The following WFDC10B variants were observed in gnomAD, a reference collection of about 807,000 sequenced individuals.
WFDC10B encodes WAP four-disulfide core domain 10B.
In WFDC10B, 1 loss-of-function variant was observed where a neutral mutation model predicts 2.7. The ratio of observed to expected loss-of-function variants is 0.38; its 90% confidence interval spans 0.13 to 1.79. The LOEUF (loss-of-function observed/expected upper bound fraction) is 1.79. Ranked by LOEUF, WFDC10B falls within the 40% of genes most tolerant of loss-of-function variation. The pLI is 0.33. For synonymous variants in WFDC10B, 26 were observed against 32.2 expected, an observed-to-expected ratio of 0.81 and a Z score of 0.65; for missense variants, 71 against 87.8, an observed-to-expected ratio of 0.81 and a Z score of 0.76.
intron 2 of WFDC10B, among the ~76,000 whole-genome samples, chr20:45,704,006 C>A (rs397522): frequency 1.3e-5 from 2 of 152,106 alleles, no homozygotes; most frequent in South Asian, 2.1e-4. Context: ...ACACAAATAA[C>A]CCATGTTAGG....
At chr20:45,699,103 A>G (rs1357830065) in intron 2 of WFDC10B, among the ~76,000 whole-genome samples, 1 of 152,220 alleles carries the variant, frequency 6.6e-6, no homozygotes, top group Non-Finnish European at 1.5e-5. Context: ...TTGACTGGCT[A>G]TAATTTCTAA....
At chr20:45,701,952 G>A (rs714595) in intron 2 of WFDC10B, 98,610 of 611,086 alleles carry the variant, frequency 0.16, 9,006 homozygotes, top group East Asian at 0.3. Context: ...GAGTGGGTGT[G>A]ATTGGGAGGT....
chr20:45,688,434 C>T (rs951517279), intron 2 of WFDC10B, among the ~76,000 whole-genome samples: 1 of 151,786 alleles, frequency 6.6e-6, no homozygotes, highest in Admixed American at 6.6e-5. Context: ...GTTCTAGATC[C>T]CTGAGGAATC....
At chr20:45,702,255 G>A (rs749493447) in intron 2 of WFDC10B, 4 of 1,565,824 alleles carry the variant, frequency 2.6e-6, no homozygotes, top group Admixed American at 1.8e-5. Context: ...AACATGTGTG[G>A]ATAGGAGAGG....
chr20:45,704,435 G>C (rs1222571307), intron 2 of WFDC10B, 62 bp downstream of exon 2: 2 of 1,609,658 alleles, frequency 1.2e-6, no homozygotes, highest in Admixed American at 1.7e-5. Context: ...TACTTGTTCT[G>C]TGTTCCAGAG....
At chr20:45,697,736 CTTTT>C (rs924955067) in intron 2 of WFDC10B, among the ~76,000 whole-genome samples, 2 of 138,998 alleles carry the variant, frequency 1.4e-5, no homozygotes, top group African/African-American at 5.4e-5. Context: ...ACAGGTATTT[CTTTT>C]TCTTTTTTTT....
intron 2 of WFDC10B, among the ~76,000 whole-genome samples, chr20:45,690,893 G>T (rs374651712): frequency 6.6e-6 from 1 of 152,014 alleles, no homozygotes; most frequent in Admixed American, 6.6e-5. Flanking sequence ...GAATGTGTTT[G>T]CTCTTGCTTT....
In WFDC10B at chr20:45,704,487, C is replaced by G; in HGVS notation, c.-65+10G>C. On this transcript the variant is annotated intron_variant, in intron 2 of 3. Transcript: ENST00000330523. Reference sequence around the variant, plus strand: ...CACCCTGCATATCAGCACCTGAAAACTGTACTCACCTGTGTACAATGCAGG... The same window carrying G: ...CACCCTGCATATCAGCACCTGAAAAGTGTACTCACCTGTGTACAATGCAGG... The G allele has an allele frequency of 1.9e-6, 3 of 1,614,092 alleles. No homozygotes were observed. The highest frequency in any genetic ancestry group is 2.5e-6 in the Non-Finnish European group (3 of 1,179,990).
At position 45,705,008 on chromosome 20, in the gene WFDC10B, T is replaced by C. The variant is rs1253318792; in HGVS notation, c.-220A>G. The stretch of plus-strand genomic sequence containing the variant: ...AGACACCATCCTTTGGCCACCAGTG[T>C]TCTTGGGCTCTGGAGATCCAGCCCA... On this transcript the variant is annotated 5_prime_UTR_variant, in exon 1 of 4. Coordinates refer to ENST00000330523, the MANE Select transcript of WFDC10B (RefSeq NM_172006.2). 6.2e-7 allele frequency: 1 copy of C among 1,613,702 alleles called. No individual in the cohort carries two copies. Among genetic ancestry groups the C allele is most frequent in the Admixed American group, 1.7e-5 (1 of 60,024 alleles).
rs183747114 is a variant in WFDC10B, at chr20:45,691,076, C to T, written c.-64-5020G>A. Among the ~76,000 whole-genome samples the T allele has an allele frequency of 5.3e-3, 810 of 152,172 alleles. 3 individuals are homozygous for T. The highest frequency in any genetic ancestry group is 8.9e-3 in the Non-Finnish European group (603 of 68,012). ...GTTTCAAAGAACATCTTTATTTCTGCCTTCATTTCGTTATGTACCCAGTAG... is the reference window on the plus strand; with the variant it reads ...GTTTCAAAGAACATCTTTATTTCTGTCTTCATTTCGTTATGTACCCAGTAG... On this transcript the variant is annotated intron_variant, in intron 2 of 3. Transcript: ENST00000330523.
Position 45,704,423 on chromosome 20 carries a change from C to T in WFDC10B, c.-65+74G>A, listed in dbSNP as rs149219487. On this transcript the variant is annotated intron_variant, in intron 2 of 3. Transcript: ENST00000330523. ...TCCAGCCTGTTGGTGAGGCCCTTCT[C>T]TTACTTGTTCTGTGTTCCAGAGTAT... 88 of 1,603,590 alleles carry T rather than the reference C, an allele frequency of 5.5e-5. No homozygotes were observed. In the East Asian group the frequency reaches 1.9e-3, roughly 34 times the overall value.
At chr20:45,694,279 C>G (rs1387720852) in intron 2 of WFDC10B, among the ~76,000 whole-genome samples, 1 of 152,036 alleles carries the variant, frequency 6.6e-6, no homozygotes, top group Middle Eastern at 3.2e-3. Flanking sequence ...TACAGTTAAG[C>G]CTTTAATCCA....
chr20:45,692,196 G>A lies in WFDC10B; in HGVS notation c.-64-6140C>T, dbSNP rs577837304. The stretch of plus-strand genomic sequence containing the variant: ...TCTTCTGGCTTGTAGAGTTTCTGCC[G>A]AGAGATCCACTGTTAGTCTGATGGG... On this transcript the variant is annotated intron_variant, in intron 2 of 3. Transcript: ENST00000330523. 4.6e-3 allele frequency among the ~76,000 whole-genome samples: 698 copies of A among 152,162 alleles called. 4 individuals are homozygous for A. The highest frequency in any genetic ancestry group is 6.6e-3 in the Non-Finnish European group (450 of 68,012).
At chr20:45,685,698 C>A (rs534262367) in intron 3 of WFDC10B, among the ~76,000 whole-genome samples, 3 of 152,308 alleles carry the variant, frequency 2.0e-5, no homozygotes, top group African/African-American at 7.2e-5. Flanking sequence ...ATGTAGGTTC[C>A]CCCTTCATTC....
At chr20:45,685,783 T>G in intron 3 of WFDC10B, 119 bp downstream of exon 3, 1 of 1,476,396 alleles carries the variant, frequency 6.8e-7, no homozygotes, top group Non-Finnish European at 9.1e-7. Context: ...TGCACAGCAT[T>G]GTGGTCAGAG....
intron 2 of WFDC10B, among the ~76,000 whole-genome samples, chr20:45,692,628 C>T (rs557191613): frequency 2.0e-5 from 3 of 152,308 alleles, no homozygotes; most frequent in East Asian, 3.9e-4. Flanking sequence ...CACATTGGCT[C>T]CTGAGGCTTC....
intron 2 of WFDC10B, among the ~76,000 whole-genome samples, chr20:45,697,742 C>CTTTTTTT (rs1162470530): frequency 7.1e-4 from 80 of 113,354 alleles, no homozygotes; most frequent in African/African-American, 1.6e-3. Flanking sequence ...ATTTCTTTTT[C>CTTTTTTT]TTTTTTTTTT....
At position 45,702,283 on chromosome 20, in the gene WFDC10B, C is replaced by T. The variant is rs992629492; in HGVS notation, c.-65+2214G>A. 4.2e-6 allele frequency: 6 copies of T among 1,425,790 alleles called. No homozygotes were observed. In the African/African-American group the frequency reaches 8.5e-5, roughly 20 times the overall value. 88.3% of individuals were successfully genotyped at this position (1,425,790 alleles called of 1,614,324 possible). On this transcript the variant is annotated intron_variant, in intron 2 of 3. Transcript: ENST00000330523. Reference sequence around the variant, plus strand: ...AGGAGAGGATCTGAGGGCTGACAGTCTGTCACACCTCTTGGAAAAATACCG... The same window carrying T: ...AGGAGAGGATCTGAGGGCTGACAGTTTGTCACACCTCTTGGAAAAATACCG...
chr20:45,688,211 T>C (rs1285429571), intron 2 of WFDC10B, among the ~76,000 whole-genome samples: 1 of 152,028 alleles, frequency 6.6e-6, no homozygotes, highest in Non-Finnish European at 1.5e-5. Flanking sequence ...AACTCATCAT[T>C]TTTTATGGCT....
Sources: allele counts gnomAD v4.1 joint callset (sites outside exome capture counted in the v4.1 genomes callset), GRCh38; gene constraint gnomAD v4.1.1; transcripts MANE v1.5; gene names NCBI Gene and HGNC (gene_info 2026-07-23, HGNC 2026-07-21).